KHDRBS3: variants seen among roughly 807,000 people sequenced by gnomAD.
KHDRBS3 encodes KH RNA binding domain containing, signal transduction associated 3.
A neutral mutation model predicts 45.6 loss-of-function variants in KHDRBS3; 23 were observed. That is an observed-to-expected ratio of 0.50 (90% CI 0.36 to 0.72). The LOEUF (loss-of-function observed/expected upper bound fraction) is 0.72. KHDRBS3 is among the 30% of genes least tolerant of loss of function. KHDRBS3 has a pLI of 0.00. For missense variants in KHDRBS3, 352 were observed against 424.8 expected, an observed-to-expected ratio of 0.83 and a Z score of 1.51; for synonymous variants, 162 against 156.5, an observed-to-expected ratio of 1.04 and a Z score of -0.26.
chr8:135,575,715 G>A lies in KHDRBS3; in HGVS notation c.612-6163G>A, dbSNP rs921745684. On this transcript the variant is annotated intron_variant, in intron 5 of 8. Transcript: ENST00000355849. Reference sequence around the variant, plus strand: ...GCTTTACAGAAAGATTGTGAAAATAGTACAGAGAGTTTTCGTATATCCTGC... The same window carrying A: ...GCTTTACAGAAAGATTGTGAAAATAATACAGAGAGTTTTCGTATATCCTGC... Among the ~76,000 whole-genome samples the A allele has an allele frequency of 2.0e-5, 3 of 152,068 alleles. No homozygotes were observed. In the South Asian group the frequency reaches 6.2e-4, roughly 31 times the overall value.
At chr8:135,577,106 G>GT (rs1375569102) in intron 5 of KHDRBS3, among the ~76,000 whole-genome samples, 1 of 138,650 alleles carries the variant, frequency 7.2e-6, no homozygotes, top group East Asian at 2.7e-4. Context: ...GCTTATTTAC[G>GT]GTTTTTTTTT....
At chr8:135,465,118 G>T (rs1462115052) in intron 1 of KHDRBS3, among the ~76,000 whole-genome samples, 1 of 152,200 alleles carries the variant, frequency 6.6e-6, no homozygotes, top group Non-Finnish European at 1.5e-5. Flanking sequence ...TTGGGAAACA[G>T]TGTTAACTCA....
intron 5 of KHDRBS3, among the ~76,000 whole-genome samples, chr8:135,578,472 GA>G (rs111538212): frequency 4.7e-5 from 7 of 149,760 alleles, no homozygotes; most frequent in African/African-American, 9.8e-5. Context: ...ACCATTTGTT[GA>G]AAAAAAACAT....
chr8:135,620,117 G>A (rs1830076801), intron 7 of KHDRBS3, among the ~76,000 whole-genome samples: 2 of 150,798 alleles, frequency 1.3e-5, no homozygotes, highest in African/African-American at 4.9e-5. Flanking sequence ...CTGTCGCCCA[G>A]GCTGGTATAT....
chr8:135,509,997 A>G (rs949832519), intron 1 of KHDRBS3, among the ~76,000 whole-genome samples: 2 of 97,806 alleles, frequency 2.0e-5, no homozygotes, highest in African/African-American at 1.0e-4. Context: ...TTTTTTGCTT[A>G]AAGACCTGAG....
intron 1 of KHDRBS3, among the ~76,000 whole-genome samples, chr8:135,520,891 C>T (rs1255199331): frequency 6.6e-6 from 1 of 152,162 alleles, no homozygotes; most frequent in African/African-American, 2.4e-5. Flanking sequence ...CACTTTGTAT[C>T]ACTGAACTGT....
rs1828231474 is a variant in KHDRBS3, at chr8:135,581,935, A to G, written c.669A>G (p.Pro223=). The part of the protein sequence containing the change: ...PVGVVVPRGT[P]TPRGVLSTRG... Reference sequence around the variant, plus strand: ...GAGTTGTAGTACCACGAGGGACGCCAACTCCCAGAGGAGTCCTGTCCACCC... The same window carrying G: ...GAGTTGTAGTACCACGAGGGACGCCGACTCCCAGAGGAGTCCTGTCCACCC... The change falls in exon 6 of 9, where the codon CCA becomes CCG. Residue 223 remains proline, a synonymous_variant. Coordinates refer to ENST00000355849, the MANE Select transcript of KHDRBS3 (RefSeq NM_006558.3). 6.2e-7 allele frequency: 1 copy of G among 1,612,708 alleles called. No homozygotes were observed. The highest frequency in any genetic ancestry group is 1.3e-5 in the African/African-American group (1 of 74,916).
intron 5 of KHDRBS3, among the ~76,000 whole-genome samples, chr8:135,558,162 CTTG>C (rs967389876): frequency 8.4e-4 from 128 of 152,248 alleles, no homozygotes; most frequent in African/African-American, 2.9e-3. Context: ...TGCCCACATG[CTTG>C]TTGTAATTTT....
At chr8:135,632,633 T>C (rs1830652513) in intron 7 of KHDRBS3, among the ~76,000 whole-genome samples, 2 of 152,118 alleles carry the variant, frequency 1.3e-5, no homozygotes. Context: ...TGCTATCCTC[T>C]TCCCTTTCTC....
chr8:135,616,190 T>G (rs571096751), intron 7 of KHDRBS3, among the ~76,000 whole-genome samples: 1 of 152,276 alleles, frequency 6.6e-6, no homozygotes, highest in African/African-American at 2.4e-5. Flanking sequence ...TTCCTTAATT[T>G]TACAAAAGGA....
At chr8:135,644,174 C>T (rs1197771944) in intron 7 of KHDRBS3, among the ~76,000 whole-genome samples, 1 of 152,132 alleles carries the variant, frequency 6.6e-6, no homozygotes, top group Non-Finnish European at 1.5e-5. Flanking sequence ...AAGTCTATTC[C>T]TGTAAAAAAT....
chr8:135,506,536 T>C (rs918765363), intron 1 of KHDRBS3, among the ~76,000 whole-genome samples: 1 of 151,782 alleles, frequency 6.6e-6, no homozygotes, highest in African/African-American at 2.4e-5. Context: ...CCCAAGTAGG[T>C]GGGACTACAG....
chr8:135,498,869 G>C, intron 1 of KHDRBS3, among the ~76,000 whole-genome samples: 1 of 152,106 alleles, frequency 6.6e-6, no homozygotes, highest in Middle Eastern at 3.2e-3. Flanking sequence ...TAATACCTGT[G>C]GTGAGCGTCG....
Position 135,457,868 on chromosome 8 carries a change from TGGA to T in KHDRBS3, c.7_9del (p.Glu3?), listed in dbSNP as rs775225910. On this transcript the variant is annotated start_lost and inframe_deletion, in exon 1 of 9. Coordinates refer to ENST00000355849, the MANE Select transcript of KHDRBS3 (RefSeq NM_006558.3). This position sits in a 1 kb window ranked among gnomAD's most constrained non-coding sequence, Gnocchi z 4.4. ...TCCCGGGCCCGGCGGCCGGCGAGCATGGAGGAGAAGTACCTGCCCGAGCTGATG... is the reference window on the plus strand; with the variant it reads ...TCCCGGGCCCGGCGGCCGGCGAGCATGGAGAAGTACCTGCCCGAGCTGATG... 84 of 1,575,804 alleles carry T rather than the reference TGGA, an allele frequency of 5.3e-5. No homozygotes were observed. Among genetic ancestry groups the T allele is most frequent in the African/African-American group, 8.4e-5 (6 of 71,344 alleles).
intron 4 of KHDRBS3, among the ~76,000 whole-genome samples, chr8:135,552,992 C>T (rs1370446880): frequency 5.9e-5 from 9 of 152,178 alleles, no homozygotes; most frequent in African/African-American, 2.2e-4. Context: ...CATATATGTG[C>T]ACTCACCTTC....
intron 4 of KHDRBS3, among the ~76,000 whole-genome samples, chr8:135,554,708 A>G (rs959449398): frequency 6.6e-6 from 1 of 152,064 alleles, no homozygotes; most frequent in Non-Finnish European, 1.5e-5. Context: ...TTATGATTTT[A>G]ACTTTCTTTT....
intron 2 of KHDRBS3, among the ~76,000 whole-genome samples, chr8:135,523,048 T>A (rs1451566948): frequency 6.6e-6 from 1 of 152,214 alleles, no homozygotes; most frequent in Non-Finnish European, 1.5e-5. Context: ...CCACACTGTC[T>A]TGATTACTAT....
rs532365351 is a variant in KHDRBS3, at chr8:135,653,850, G to A, written c.*118-2376G>A. On this transcript the variant is annotated intron_variant and NMD_transcript_variant, in intron 4 of 4. Transcript: ENST00000521461. ...TTTGTATTAATTTGTTTTCTTAGTG[G>A]AAGTGTGATATTTCTCTAACCATTA... 5.9e-5 allele frequency among the ~76,000 whole-genome samples: 9 copies of A among 152,262 alleles called. No homozygotes were observed. In the South Asian group the frequency reaches 6.2e-4, roughly 11 times the overall value.
intron 7 of KHDRBS3, among the ~76,000 whole-genome samples, chr8:135,623,026 C>T (rs1413195718): frequency 2.0e-5 from 3 of 152,200 alleles, no homozygotes; most frequent in Non-Finnish European, 2.9e-5. Flanking sequence ...TCTGTGCTAA[C>T]AGTTCTCCTT....
Sources: gnomAD v4.1 joint callset for allele counts (sites outside exome capture counted in the v4.1 genomes callset) on GRCh38, gnomAD v4.1.1 for gene constraint, Gnocchi (gnomAD v3.1) non-coding constraint, MANE v1.5 for transcripts, NCBI Gene and HGNC (gene_info 2026-07-23, HGNC 2026-07-21) for gene names.